The following SMYD3 variants were observed in gnomAD, a reference collection of about 807,000 sequenced individuals.
SMYD3 encodes the protein SET and MYND domain containing 3.
SMYD3 carries 36 observed loss-of-function variants against 57.7 expected under a neutral mutation model. That is an observed-to-expected ratio of 0.62 (90% confidence interval 0.48 to 0.82). The LOEUF is 0.82. SMYD3 is among the 40% of genes least tolerant of loss of function. The pLI, the probability that SMYD3 is intolerant of heterozygous loss-of-function variation, is 0.00. For synonymous variants in SMYD3, 211 were observed against 195.0 expected (o/e 1.08, Z -0.68); for missense variants, 515 against 538.8 (o/e 0.96, Z 0.44).
chr1:245,915,601 C>T lies in SMYD3; in HGVS notation c.742G>A (p.Glu248Lys). 6.2e-7 allele frequency: 1 copy of T among 1,613,998 alleles called. No individual in the cohort carries two copies. Among genetic ancestry groups the T allele is most frequent in the Non-Finnish European group, 8.5e-7 (1 of 1,179,944 alleles). The change falls in exon 8 of 12, where the codon GAG becomes AAG. Residue 248 changes from glutamate (E) to lysine (K), a missense_variant. By Grantham distance (56) the Glu-to-Lys change is moderately conservative (BLOSUM62 1). Coordinates refer to ENST00000490107, the MANE Select transcript of SMYD3 (RefSeq NM_001167740.2). ...CYLDMLMTSE[E>K]RRKQLRDQYC... ...TGGTCCCTCAGCTGCTTCCGGCGCT[C>T]CTCACTGGTCATCAGCATATCCAGG...
intron 5 of SMYD3, among the ~76,000 whole-genome samples, chr1:246,273,161 T>TTTTTTTTGG (rs2064258201): frequency 2.3e-5 from 3 of 131,080 alleles, no homozygotes; most frequent in Non-Finnish European, 4.9e-5. Flanking sequence ...TTCTTTTTTT[T>TTTTTTTTGG]GGGGGGGGGA....
At chr1:246,434,402 A>G (rs2067339915) in intron 1 of SMYD3, among the ~76,000 whole-genome samples, 1 of 152,274 alleles carries the variant, frequency 6.6e-6, no homozygotes, top group South Asian at 2.1e-4. Context: ...TCTATTTGTC[A>G]TCCGACAAAG....
At chr1:246,000,716 G>C (rs2059023562) in intron 5 of SMYD3, among the ~76,000 whole-genome samples, 2 of 152,182 alleles carry the variant, frequency 1.3e-5, no homozygotes, top group Admixed American at 1.3e-4. Context: ...CAAGATAACA[G>C]AGACTAAAAT....
chr1:246,395,815 G>C (rs1464928366), intron 1 of SMYD3, among the ~76,000 whole-genome samples: 1 of 152,084 alleles, frequency 6.6e-6, no homozygotes, highest in Admixed American at 6.5e-5. Flanking sequence ...ACCACGGCTG[G>C]ACAGGGAAGA....
intron 2 of SMYD3, among the ~76,000 whole-genome samples, chr1:246,344,763 C>A (rs2065685713): frequency 6.6e-6 from 1 of 152,274 alleles, no homozygotes; most frequent in African/African-American, 2.4e-5. Flanking sequence ...TAATTTTAGT[C>A]TTTCTAGTGG....
chr1:246,039,031 A>G (rs896013356), intron 5 of SMYD3, among the ~76,000 whole-genome samples: 1 of 152,224 alleles, frequency 6.6e-6, no homozygotes, highest in Admixed American at 6.5e-5. Context: ...CCAGAGTTTA[A>G]TATTTTAAAG....
chr1:246,110,433 T>A (rs984607351), intron 5 of SMYD3, among the ~76,000 whole-genome samples: 11 of 152,148 alleles, frequency 7.2e-5, no homozygotes, highest in African/African-American at 2.4e-4. Context: ...TACGGGTAGG[T>A]GAAATACAAT....
intron 10 of SMYD3, among the ~76,000 whole-genome samples, chr1:245,818,079 C>G (rs1477532610): frequency 6.6e-6 from 1 of 151,700 alleles, no homozygotes; most frequent in African/African-American, 2.4e-5. Flanking sequence ...AAGAGCAACT[C>G]CAAGACACAT....
At chr1:246,328,265 A>C (rs1179991763) in intron 4 of SMYD3, among the ~76,000 whole-genome samples, 2 of 152,172 alleles carry the variant, frequency 1.3e-5, no homozygotes, top group African/African-American at 4.8e-5. Context: ...CTAAAACAAA[A>C]GAAGAAGAAA....
intron 5 of SMYD3, among the ~76,000 whole-genome samples, chr1:246,265,193 G>A (rs183987880): frequency 3.3e-5 from 5 of 152,268 alleles, no homozygotes; most frequent in East Asian, 3.9e-4. Flanking sequence ...TGGAGTACCA[G>A]GGTGTGAGCA....
At chr1:245,951,400 TC>T (rs1405265116) in intron 5 of SMYD3, among the ~76,000 whole-genome samples, 1 of 138,152 alleles carries the variant, frequency 7.2e-6, no homozygotes, top group Admixed American at 7.0e-5. Flanking sequence ...AAACCCCATC[TC>T]TACTAAAAAT....
chr1:245,988,134 A>G (rs1572850602), intron 5 of SMYD3, among the ~76,000 whole-genome samples: 2 of 151,478 alleles, frequency 1.3e-5, no homozygotes, highest in East Asian at 3.9e-4. Flanking sequence ...ACACACACAC[A>G]CACACACCGC....
At chr1:245,806,147 G>T (rs904422117) in intron 10 of SMYD3, among the ~76,000 whole-genome samples, 1 of 151,926 alleles carries the variant, frequency 6.6e-6, no homozygotes, top group Non-Finnish European at 1.5e-5. Context: ...CTCATAAAGA[G>T]GATAAAAGAA....
chr1:246,502,732 T>C (rs2068476440), intron 1 of SMYD3, among the ~76,000 whole-genome samples: 1 of 152,184 alleles, frequency 6.6e-6, no homozygotes, highest in African/African-American at 2.4e-5. Flanking sequence ...CACTGGTCTC[T>C]GCTGCAAGGA....
intron 10 of SMYD3, among the ~76,000 whole-genome samples, chr1:245,792,788 G>A (rs1034065178): frequency 1.8e-4 from 27 of 152,178 alleles, no homozygotes; most frequent in African/African-American, 6.0e-4. Context: ...TGGACGAAGG[G>A]AGAGGGCATG....
At chr1:246,354,961 G>T in intron 2 of SMYD3, 70 bp downstream of exon 2, 1 of 1,384,426 alleles carries the variant, frequency 7.2e-7, no homozygotes, top group Non-Finnish European at 1.0e-6. Flanking sequence ...AGGCCAACAG[G>T]TATAGTGAAG....
At chr1:246,133,426 AAAAGT>A (rs967822248) in intron 5 of SMYD3, among the ~76,000 whole-genome samples, 1 of 152,142 alleles carries the variant, frequency 6.6e-6, no homozygotes, top group African/African-American at 2.4e-5. Context: ...AAAAACCTGA[AAAAGT>A]AAATAAATAA....
At chr1:246,421,851 C>T (rs1037893986) in intron 1 of SMYD3, among the ~76,000 whole-genome samples, 3 of 152,182 alleles carry the variant, frequency 2.0e-5, no homozygotes, top group Non-Finnish European at 4.4e-5. Flanking sequence ...GAACCAAGAG[C>T]GCCAAGAGCA....
At chr1:245,979,027 T>G (rs554503897) in intron 5 of SMYD3, among the ~76,000 whole-genome samples, 16 of 152,330 alleles carry the variant, frequency 1.1e-4, no homozygotes, top group Admixed American at 3.3e-4. Flanking sequence ...AGCCCTTTTA[T>G]GGAACGTGGC....
Sources: gnomAD v4.1 joint callset for allele counts (sites outside exome capture counted in the v4.1 genomes callset) on GRCh38, gnomAD v4.1.1 for gene constraint, MANE v1.5 for transcripts, NCBI Gene and HGNC (gene_info 2026-07-23, HGNC 2026-07-21) for gene names.